The following CROCC2 variants were observed in gnomAD, a reference collection of about 807,000 sequenced individuals.
CROCC2 encodes the protein ciliary rootlet coiled-coil protein 2.
A neutral mutation model predicts 177.6 loss-of-function variants in CROCC2; 163 were observed. That is an observed-to-expected ratio of 0.92 (90% confidence interval 0.81 to 1.05). The LOEUF (loss-of-function observed/expected upper bound fraction) is 1.05, where lower values mean the gene tolerates loss of function less well. Ranked by LOEUF, CROCC2 falls within the 50% of genes least tolerant of loss-of-function variation. CROCC2 has a pLI of 0.00. For synonymous variants in CROCC2, 904 were observed against 787.3 expected, an observed-to-expected ratio of 1.15 and a Z score of -2.48; for missense variants, 1,929 against 1,797.8, an observed-to-expected ratio of 1.07 and a Z score of -1.32.
intron 31 of CROCC2, among the ~76,000 whole-genome samples, chr2:240,991,863 CAT>C (rs918506726): frequency 6.6e-6 from 1 of 152,230 alleles, no homozygotes; most frequent in African/African-American, 2.4e-5. Flanking sequence ...GAGCCAAAAA[CAT>C]AATGTCCTGC....
At position 240,920,099 on chromosome 2, in the gene CROCC2, G is replaced by T. The variant is rs549319399; in HGVS notation, c.346G>T (p.Glu116Ter). Residue 116 changes from glutamate (E) to a stop codon, truncating the protein, a stop_gained, in exon 3 of 32, where the codon GAG (glutamate) becomes TAG (stop). Coordinates refer to ENST00000690015, the MANE Select transcript of CROCC2 (RefSeq NM_001351305.2). LOFTEE classifies it high-confidence loss of function. ...LLAQASAERDELASRCRVVSE... is the reference protein window; with the variant it reads ...LLAQASAERD ...GGCCCAGGCCAGCGCCGAGCGAGATGAGCTGGCCAGCAGGTGCCGTGTGGT... is the reference window on the plus strand; with the variant it reads ...GGCCCAGGCCAGCGCCGAGCGAGATTAGCTGGCCAGCAGGTGCCGTGTGGT... 1.3e-5 allele frequency: 9 copies of T among 708,390 alleles called. 1 individual carries two copies. The highest frequency in any genetic ancestry group is 2.0e-5 in the Admixed American group (1 of 49,292). 43.9% of individuals were successfully genotyped at this position (708,390 alleles called of 1,614,324 possible).
intron 19 of CROCC2, 88 bp from the exon 20 acceptor site, chr2:240,959,213 C>T: frequency 2.8e-6 from 4 of 1,415,284 alleles, no homozygotes; most frequent in Non-Finnish European, 2.8e-6. Context: ...CACTGCAACA[C>T]CTCTCTCTCC....
At chr2:240,957,093 G>T (rs553710327) in intron 19 of CROCC2, among the ~76,000 whole-genome samples, 1 of 152,134 alleles carries the variant, frequency 6.6e-6, no homozygotes, top group Non-Finnish European at 1.5e-5. Context: ...GGCAGGGAGG[G>T]AATGGGCTCA....
intron 5 of CROCC2, 107 bp from the exon 6 acceptor site, chr2:240,930,053 GCTGGGT>G: frequency 3.8e-6 from 2 of 519,762 alleles, no homozygotes; most frequent in Non-Finnish European, 7.1e-6. Context: ...GCTTTGGGAT[GCTGGGT>G]CCACTTCCAG....
At chr2:240,989,231 G>T (rs1433587569) in intron 29 of CROCC2, among the ~76,000 whole-genome samples, 1 of 152,132 alleles carries the variant, frequency 6.6e-6, no homozygotes, top group African/African-American at 2.4e-5. Flanking sequence ...ATCCCCTGAG[G>T]CCTAGGGGCC....
intron 27 of CROCC2, among the ~76,000 whole-genome samples, chr2:240,971,421 CT>C (rs1398950706): frequency 1.3e-5 from 2 of 152,314 alleles, no homozygotes; most frequent in Non-Finnish European, 2.9e-5. Context: ...CTCATGGCAT[CT>C]CTCCTGGAGG....
intron 14 of CROCC2, among the ~76,000 whole-genome samples, chr2:240,945,126 G>A (rs1361333211): frequency 1.3e-5 from 2 of 152,082 alleles, no homozygotes; most frequent in Admixed American, 6.6e-5. Flanking sequence ...TAGTAGAGAC[G>A]GGGTTTCACC....
At chr2:240,975,506 A>AC (rs2059753929) in intron 27 of CROCC2, among the ~76,000 whole-genome samples, 1 of 152,030 alleles carries the variant, frequency 6.6e-6, no homozygotes, top group East Asian at 1.9e-4. Context: ...GAGGCTGAGG[A>AC]CCCCAATTCC....
At chr2:240,989,585 C>T in intron 29 of CROCC2, 69 bp from the exon 30 acceptor site, 1 of 1,446,836 alleles carries the variant, frequency 6.9e-7, no homozygotes, top group Non-Finnish European at 9.3e-7. Flanking sequence ...CCCTGTGGCA[C>T]TCCTGCCCTG....
intron 30 of CROCC2, 62 bp downstream of exon 30, chr2:240,989,895 C>A: frequency 6.9e-7 from 1 of 1,442,044 alleles, no homozygotes; most frequent in Non-Finnish European, 9.3e-7. Flanking sequence ...ACTGGCATCC[C>A]CGCAGTCACC....
At chr2:240,916,732 C>T (rs1201237904) in intron 1 of CROCC2, among the ~76,000 whole-genome samples, 1 of 152,184 alleles carries the variant, frequency 6.6e-6, no homozygotes, top group Non-Finnish European at 1.5e-5. Context: ...GTGGCGCCGC[C>T]GATGCCCGGG....
intron 18 of CROCC2, chr2:240,954,872 G>C (rs1274139576): frequency 6.6e-6 from 1 of 152,090 alleles, no homozygotes; most frequent in African/African-American, 2.4e-5. Flanking sequence ...TAATGCAGAC[G>C]CTCCACACTT....
chr2:240,987,539 T>C (rs1215312913), intron 28 of CROCC2, among the ~76,000 whole-genome samples: 1 of 152,242 alleles, frequency 6.6e-6, no homozygotes, highest in African/African-American at 2.4e-5. Flanking sequence ...TTCCAACCAC[T>C]GACCCTGTAA....
Position 240,991,183 on chromosome 2 carries a change from G to C in CROCC2, c.4864-13G>C. The C allele has an allele frequency of 1.3e-6, 2 of 1,541,454 alleles. No individual in the cohort carries two copies. The highest frequency in any genetic ancestry group is 1.8e-6 in the Non-Finnish European group (2 of 1,141,972). On this transcript the variant is annotated splice_polypyrimidine_tract_variant and intron_variant, in intron 30 of 31. Coordinates refer to ENST00000690015, the MANE Select transcript of CROCC2 (RefSeq NM_001351305.2). ...GCCTGCCCACCTGACCTGAGCCACT[G>C]TCCTGTCCCCAGGTGGCCAGCCTGA...
chr2:240,953,301 G>A lies in CROCC2; in HGVS notation c.2830-2558G>A, dbSNP rs1007706844. The stretch of plus-strand genomic sequence containing the variant: ...GTGGTGGTGGGTGCCTGTAATCCCC[G>A]CTACTCAGGAGGCTGAGGCAGGAGA... On this transcript the variant is annotated intron_variant, in intron 18 of 31. Coordinates refer to ENST00000690015, the MANE Select transcript of CROCC2 (RefSeq NM_001351305.2). This position sits in a 1 kb window ranked among gnomAD's most constrained non-coding sequence, Gnocchi z 4.0. Among the ~76,000 whole-genome samples the A allele has an allele frequency of 3.3e-5, 5 of 151,938 alleles. No homozygotes were observed. Among genetic ancestry groups the A allele is most frequent in the African/African-American group, 9.7e-5 (4 of 41,326 alleles).
intron 10 of CROCC2, 94 bp downstream of exon 10, chr2:240,933,436 A>C: frequency 7.7e-7 from 1 of 1,301,016 alleles, no homozygotes; most frequent in South Asian, 1.5e-5. Flanking sequence ...CTAGAGCTGG[A>C]GGGGTTGCCA....
chr2:240,954,740 GC>G (rs1188614805), intron 18 of CROCC2: 1 of 152,318 alleles, frequency 6.6e-6, no homozygotes, highest in East Asian at 1.9e-4. Flanking sequence ...GTGGCTCAAA[GC>G]CCCAACCCTC....
Position 240,958,512 on chromosome 2 carries a change from C to T in CROCC2, c.2944-789C>T. On this transcript the variant is annotated intron_variant, in intron 19 of 31. Transcript: ENST00000690015. The surrounding 1 kb of genome is among the most constrained non-coding windows in gnomAD (Gnocchi z 6.7). ...TCCAGAGATCTGGCACAGGGGCAGC[C>T]ATGTGGGCACCTGTGCCCCCAGGAA... The T allele has an allele frequency of 1.0e-6, 1 of 964,262 alleles. No individual in the cohort carries two copies. The highest frequency in any genetic ancestry group is 1.2e-6 in the Non-Finnish European group (1 of 810,598). The allele number at this position is 964,262 out of a possible 1,614,324, so 59.7% of individuals were successfully genotyped here.
Position 240,933,679 on chromosome 2 carries a change from T to C in CROCC2, c.1473T>C (p.Ala491=). 1.3e-6 allele frequency: 2 copies of C among 1,550,226 alleles called. No homozygotes were observed. The highest frequency in any genetic ancestry group is 1.7e-6 in the Non-Finnish European group (2 of 1,146,748). Residue 491 remains alanine, a synonymous_variant, in exon 11 of 32, where the codon GCT becomes GCC. Transcript: ENST00000690015. The part of the protein sequence containing the change: ...ASCKLLGREK[A]ALEMVVEELK... ...CCCCCACCATCCCCAGGGAGAAGGC[T>C]GCTCTGGAGATGGTGGTGGAGGAGC...
Sources: gnomAD v4.1 joint callset for allele counts (sites outside exome capture counted in the v4.1 genomes callset) on GRCh38, gnomAD v4.1.1 for gene constraint, Gnocchi (gnomAD v3.1) non-coding constraint, MANE v1.5 for transcripts, NCBI Gene and HGNC (gene_info 2026-07-23, HGNC 2026-07-21) for gene names.